NEBL: variants seen among roughly 807,000 people sequenced by gnomAD.
The protein encoded by NEBL is nebulette, also known as LIM and SH3 protein 2.
Under a neutral mutation model 140.2 loss-of-function variants are expected in NEBL, and 122 were observed. The ratio of observed to expected loss-of-function variants is 0.87; its 90% CI spans 0.75 to 1.01. The LOEUF (loss-of-function observed/expected upper bound fraction) is 1.01. Among genes scored for constraint, NEBL ranks in the 50% least tolerant of loss-of-function variants. The pLI, the probability that NEBL is intolerant of heterozygous loss-of-function variation, is 0.00. For missense variants in NEBL, 1,365 were observed against 1,231.3 expected (o/e 1.11, Z -1.62); for synonymous variants, 436 against 398.9 (o/e 1.09, Z -1.11).
intron 4 of NEBL, among the ~76,000 whole-genome samples, chr10:20,882,909 A>G (rs1287035803): frequency 6.6e-6 from 1 of 152,110 alleles, no homozygotes; most frequent in Non-Finnish European, 1.5e-5. Flanking sequence ...ACCCCAATCT[A>G]TCTCCCCCTA....
chr10:20,863,749 T>C (rs1422658699), intron 7 of NEBL, among the ~76,000 whole-genome samples: 1 of 152,188 alleles, frequency 6.6e-6, no homozygotes, highest in Non-Finnish European at 1.5e-5. Context: ...GGAGCCTGCC[T>C]TGTGGGAAGT....
chr10:21,251,304 C>T (rs372030264), intron 2 of NEBL, among the ~76,000 whole-genome samples: 1 of 152,200 alleles, frequency 6.6e-6, no homozygotes, highest in Non-Finnish European at 1.5e-5. Flanking sequence ...TTATGACCCT[C>T]ATCCCTCTTG....
chr10:21,178,283 G>T (rs1841334415), upstream of NEBL, among the ~76,000 whole-genome samples: 1 of 152,150 alleles, frequency 6.6e-6, no homozygotes, highest in Non-Finnish European at 1.5e-5. Context: ...TATAGTTATT[G>T]GTAGGCAGGA....
chr10:21,290,473 T>A (rs112800616), intron 1 of NEBL, among the ~76,000 whole-genome samples: 2 of 152,144 alleles, frequency 1.3e-5, no homozygotes, highest in Non-Finnish European at 2.9e-5. Flanking sequence ...TGAGGAAAAC[T>A]TCTTCCAAAA....
chr10:20,819,291 C>G, intron 20 of NEBL, 133 bp downstream of exon 20: 1 of 1,411,648 alleles, frequency 7.1e-7, no homozygotes, highest in Non-Finnish European at 9.8e-7. Flanking sequence ...TCATTTAGCT[C>G]TCATTATTAT....
At chr10:21,208,256 A>G (rs954521444) in intron 3 of NEBL, among the ~76,000 whole-genome samples, 1 of 152,222 alleles carries the variant, frequency 6.6e-6, no homozygotes, top group Non-Finnish European at 1.5e-5. Flanking sequence ...CCTTCAGACC[A>G]GCTAACGTCT....
intron 4 of NEBL, among the ~76,000 whole-genome samples, chr10:20,918,548 T>C (rs1833420212): frequency 1.3e-5 from 2 of 151,958 alleles, no homozygotes; most frequent in African/African-American, 4.8e-5. Context: ...AGTAAGTACA[T>C]AATAAATGCA....
chr10:20,947,575 A>T (rs1008972645), intron 4 of NEBL, among the ~76,000 whole-genome samples: 2 of 152,198 alleles, frequency 1.3e-5, no homozygotes, highest in African/African-American at 4.8e-5. Context: ...TCGATGGAGT[A>T]ATCTGCAAAA....
intron 4 of NEBL, among the ~76,000 whole-genome samples, chr10:20,959,403 G>A (rs961167423): frequency 6.6e-6 from 1 of 152,088 alleles, no homozygotes; most frequent in Admixed American, 6.6e-5. Flanking sequence ...TCCAGCCACT[G>A]TCAAAAAATA....
At chr10:20,876,426 T>C (rs1006835702) in intron 5 of NEBL, among the ~76,000 whole-genome samples, 3 of 152,192 alleles carry the variant, frequency 2.0e-5, no homozygotes, top group Non-Finnish European at 4.4e-5. Context: ...TAAAGCACTA[T>C]TATTGTAAGT....
Position 20,897,128 on chromosome 10 carries a change from GTCT to G in NEBL, c.75_77del (p.Glu25del), listed in dbSNP as rs794729080. The G allele has an allele frequency of 1.6e-5, 26 of 1,595,538 alleles. 2 individuals carry two copies. In the African/African-American group the frequency reaches 1.9e-4, roughly 12 times the overall value. Reference sequence around the variant, plus strand: ...GAGTATGTGTTTTCTCACTCACCTGGTCTTCTTCATTTTCTTCTTCCCCTATCT... The same window carrying G: ...GAGTATGTGTTTTCTCACTCACCTGGTCTTCATTTTCTTCTTCCCCTATCT... On this transcript the variant is annotated inframe_deletion, in exon 1 of 28. Coordinates refer to ENST00000377122, the MANE Select transcript of NEBL (RefSeq NM_006393.3).
At chr10:21,167,288 G>A in intron 2 of NEBL, among the ~76,000 whole-genome samples, 1 of 152,162 alleles carries the variant, frequency 6.6e-6, no homozygotes. Context: ...AATCTTACTT[G>A]GATCACTAAA....
chr10:21,144,846 C>G (rs1186784016), intron 2 of NEBL, among the ~76,000 whole-genome samples: 1 of 151,890 alleles, frequency 6.6e-6, no homozygotes, highest in Admixed American at 6.6e-5. Context: ...TCTCTCATCT[C>G]CTCTGTAAAA....
At chr10:20,914,888 C>T (rs1848472896) in intron 4 of NEBL, among the ~76,000 whole-genome samples, 1 of 151,426 alleles carries the variant, frequency 6.6e-6, no homozygotes, top group Admixed American at 6.6e-5. Flanking sequence ...GGCGGAGTCT[C>T]ACTCTGTCAC....
chr10:20,979,860 C>T (rs60375467), intron 3 of NEBL, among the ~76,000 whole-genome samples: 24,875 of 151,888 alleles, frequency 0.16, 3,511 homozygotes, highest in East Asian at 0.38. Flanking sequence ...GCACATGCCA[C>T]CATGGTCATC....
intron 2 of NEBL, among the ~76,000 whole-genome samples, chr10:21,113,719 A>T (rs1838154809): frequency 6.6e-6 from 1 of 152,068 alleles, no homozygotes; most frequent in Non-Finnish European, 1.5e-5. Context: ...GTTTGTATGG[A>T]ATGTTAACAT....
intron 3 of NEBL, among the ~76,000 whole-genome samples, chr10:21,000,862 G>A (rs1200675266): frequency 6.6e-6 from 1 of 152,128 alleles, no homozygotes; most frequent in Non-Finnish European, 1.5e-5. Context: ...ATTGAAGGGA[G>A]AGAAAAAAGG....
At chr10:20,952,054 A>G (rs983426214) in intron 4 of NEBL, among the ~76,000 whole-genome samples, 1 of 152,176 alleles carries the variant, frequency 6.6e-6, no homozygotes, top group African/African-American at 2.4e-5. Flanking sequence ...GATCTGGAAA[A>G]CTTAAAAACT....
chr10:21,073,183 C>T (rs7096480), intron 2 of NEBL, among the ~76,000 whole-genome samples: 22,193 of 152,000 alleles, frequency 0.15, 1,932 homozygotes, highest in African/African-American at 0.24. Context: ...TTCATCAGGG[C>T]GCAGTAGTTC....
Sources: gnomAD v4.1 joint callset for allele counts (sites outside exome capture counted in the v4.1 genomes callset) on GRCh38, gnomAD v4.1.1 for gene constraint, MANE v1.5 for transcripts, NCBI Gene and HGNC (gene_info 2026-07-23, HGNC 2026-07-21) for gene names.